NUBPL: variants seen among roughly 807,000 people sequenced by gnomAD.
NUBPL encodes the protein iron-sulfur cluster transfer protein NUBPL.
In NUBPL, 31 loss-of-function variants were observed where a neutral mutation model predicts 45.7. That is an observed-to-expected ratio of 0.68 (90% CI 0.51 to 0.92). NUBPL has a LOEUF of 0.92. Ranked by LOEUF, NUBPL falls within the 40% of genes least tolerant of loss-of-function variation. The pLI, the probability that NUBPL is intolerant of heterozygous loss-of-function variation, is 0.00. For synonymous variants in NUBPL, 144 were observed against 140.9 expected, an observed-to-expected ratio of 1.02 and a Z score of -0.15; for missense variants, 401 against 398.7, an observed-to-expected ratio of 1.01 and a Z score of -0.05.
rs911481294 is a variant in NUBPL at position 31,623,598 on chromosome 14, C to G, written c.382+24219C>G. ...CCCTGTCTCTTTCTTTCTTTTTTTG[C>G]TGCCATGTAGGACGTGCTTTGCTTC... On this transcript the variant is annotated intron_variant, in intron 4 of 10. Transcript: ENST00000281081. Among the ~76,000 whole-genome samples, 3 of 152,116 alleles carry G rather than the reference C, an allele frequency of 2.0e-5. No homozygotes were observed. The South Asian group carries it at 6.2e-4, about 32-fold the overall frequency.
chr14:31,839,358 T>C (rs895286655), intron 8 of NUBPL, among the ~76,000 whole-genome samples: 4 of 152,042 alleles, frequency 2.6e-5, no homozygotes, highest in Non-Finnish European at 5.9e-5. Context: ...GAACACACAA[T>C]GGAGAAAGGA....
intron 3 of NUBPL, among the ~76,000 whole-genome samples, chr14:31,570,415 A>T (rs981339024): frequency 1.3e-5 from 2 of 152,316 alleles, no homozygotes; most frequent in Admixed American, 6.5e-5. Flanking sequence ...AAATGATGAG[A>T]TATATTCAGT....
intron 1 of NUBPL, chr14:31,561,851 A>T: frequency 1.6e-6 from 1 of 606,788 alleles, no homozygotes; most frequent in Non-Finnish European, 2.9e-6. Context: ...TTACATTTTT[A>T]AACGTTCAGC....
At chr14:31,594,258 A>G (rs1213478610) in intron 3 of NUBPL, among the ~76,000 whole-genome samples, 1 of 152,120 alleles carries the variant, frequency 6.6e-6, no homozygotes, top group Non-Finnish European at 1.5e-5. Context: ...TCCCTACAAA[A>G]AACGAAAAAA....
chr14:31,590,503 C>A (rs2034114116), intron 3 of NUBPL, among the ~76,000 whole-genome samples: 1 of 152,142 alleles, frequency 6.6e-6, no homozygotes, highest in South Asian at 2.1e-4. Flanking sequence ...AAGGGTGGAT[C>A]AAGTGCTCTG....
intron 8 of NUBPL, among the ~76,000 whole-genome samples, chr14:31,840,300 G>A (rs933626402): frequency 5.9e-5 from 9 of 152,094 alleles, no homozygotes; most frequent in Non-Finnish European, 1.2e-4. Flanking sequence ...TTGGCCAGGC[G>A]CGGTGGCTCA....
chr14:31,740,793 G>C (rs191954521), intron 6 of NUBPL, among the ~76,000 whole-genome samples: 4 of 152,110 alleles, frequency 2.6e-5, no homozygotes, highest in African/African-American at 9.6e-5. Flanking sequence ...TTCTGTTCTG[G>C]TTCCCCTCAT....
intron 3 of NUBPL, among the ~76,000 whole-genome samples, chr14:31,582,483 C>T (rs1405312620): frequency 6.6e-6 from 1 of 151,460 alleles, no homozygotes; most frequent in Non-Finnish European, 1.5e-5. Flanking sequence ...AGGATCAGAC[C>T]ACTCTTGTGG....
In NUBPL at chr14:31,825,461, C is replaced by A. The variant is rs1315045735; in HGVS notation, c.608-1168C>A. On this transcript the variant is annotated intron_variant, in intron 7 of 10. Transcript: ENST00000281081. Reference sequence around the variant, plus strand: ...AGAATATTAACAGCTTCTTCTTCCTCCTCCTCCTCTTCTTTTCTTCTTGTT... The same window carrying A: ...AGAATATTAACAGCTTCTTCTTCCTACTCCTCCTCTTCTTTTCTTCTTGTT... Among the ~76,000 whole-genome samples the A allele has an allele frequency of 2.0e-5, 3 of 151,930 alleles. No individual in the cohort carries two copies. The East Asian group carries it at 5.8e-4, about 29-fold the overall frequency.
At chr14:31,809,633 C>T (rs940134663) in intron 7 of NUBPL, among the ~76,000 whole-genome samples, 15 of 152,074 alleles carry the variant, frequency 9.9e-5, no homozygotes, top group African/African-American at 3.4e-4. Flanking sequence ...CTGCTCTGAT[C>T]TTAGTTATTT....
chr14:31,623,906 C>T (rs2035136282), intron 4 of NUBPL, among the ~76,000 whole-genome samples: 2 of 152,046 alleles, frequency 1.3e-5, no homozygotes, highest in Non-Finnish European at 2.9e-5. Flanking sequence ...TCATAAATAC[C>T]CTCTTGGGTT....
At chr14:31,841,451 C>A (rs913967493) in intron 8 of NUBPL, among the ~76,000 whole-genome samples, 4 of 152,090 alleles carry the variant, frequency 2.6e-5, no homozygotes, top group Non-Finnish European at 5.9e-5. Context: ...TCTGTTAAAT[C>A]TCTTGCCCAT....
intron 4 of NUBPL, among the ~76,000 whole-genome samples, chr14:31,645,179 C>T (rs1428422336): frequency 6.6e-6 from 1 of 151,894 alleles, no homozygotes; most frequent in Non-Finnish European, 1.5e-5. Flanking sequence ...CATTCTCCTG[C>T]CTCAGCCTCC....
At chr14:31,692,018 C>A (rs1048658386) in intron 6 of NUBPL, among the ~76,000 whole-genome samples, 5 of 151,988 alleles carry the variant, frequency 3.3e-5, no homozygotes, top group Non-Finnish European at 1.5e-5. Context: ...GGGAAAAAAG[C>A]ATGTCAGGAT....
chr14:31,754,633 A>T (rs10129541), intron 6 of NUBPL, among the ~76,000 whole-genome samples: 3 of 122,956 alleles, frequency 2.4e-5, no homozygotes, highest in Non-Finnish European at 5.3e-5. Flanking sequence ...TCTTGCCAAT[A>T]GATTCATTTT....
At chr14:31,783,224 G>A (rs887681995) in intron 6 of NUBPL, among the ~76,000 whole-genome samples, 8 of 152,160 alleles carry the variant, frequency 5.3e-5, no homozygotes, top group Non-Finnish European at 1.5e-5. Flanking sequence ...CAGGAAGCAT[G>A]ATCTGATTGG....
chr14:31,764,079 G>A (rs1421352783), intron 6 of NUBPL, among the ~76,000 whole-genome samples: 2 of 152,090 alleles, frequency 1.3e-5, no homozygotes, highest in African/African-American at 4.8e-5. Context: ...CCTGTATTGA[G>A]CCCTATCATG....
intron 7 of NUBPL, among the ~76,000 whole-genome samples, chr14:31,825,446 C>T (rs1021656292): frequency 1.3e-5 from 2 of 152,052 alleles, no homozygotes; most frequent in African/African-American, 4.8e-5. Context: ...AGAATATTAA[C>T]AGCTTCTTCT....
intron 4 of NUBPL, among the ~76,000 whole-genome samples, chr14:31,634,448 A>G (rs112043470): frequency 0.035 from 5,273 of 151,938 alleles, 295 homozygotes; most frequent in African/African-American, 0.12. Flanking sequence ...ATAGTATTCC[A>G]TGGTGTACAT....
Sources: allele counts gnomAD v4.1 joint callset (sites outside exome capture counted in the v4.1 genomes callset), GRCh38; gene constraint gnomAD v4.1.1; transcripts MANE v1.5; gene names NCBI Gene and HGNC (gene_info 2026-07-23, HGNC 2026-07-21).